Variants in KIF1B observed in about 807,000 individuals in gnomAD.
KIF1B encodes kinesin family member 1B, also known as kinesin-like protein KIF1B.
KIF1B carries 76 observed loss-of-function variants against 241.9 expected under a neutral mutation model. The ratio of observed to expected loss-of-function variants is 0.31; its 90% confidence interval spans 0.26 to 0.38. The LOEUF is 0.38. KIF1B is among the 10% of genes least tolerant of loss of function. KIF1B has a pLI of 1.00. For synonymous variants in KIF1B, 750 were observed against 796.7 expected, an observed-to-expected ratio of 0.94 and a Z score of 0.99; for missense variants, 1,622 against 2,271.4, an observed-to-expected ratio of 0.71 and a Z score of 5.81.
At chr1:10,328,073 C>G (rs935286466) in intron 27 of KIF1B, among the ~76,000 whole-genome samples, 1 of 152,090 alleles carries the variant, frequency 6.6e-6, no homozygotes, top group Non-Finnish European at 1.5e-5. Context: ...GCCTGTAGTC[C>G]CAGCTCCTTG....
intron 24 of KIF1B, 53 bp from the exon 25 acceptor site, chr1:10,323,831 C>G: frequency 6.8e-7 from 1 of 1,459,878 alleles, no homozygotes; most frequent in Non-Finnish European, 9.6e-7. Flanking sequence ...CGTCTCATCT[C>G]TGAAGCTTGC....
intron 2 of KIF1B, among the ~76,000 whole-genome samples, chr1:10,233,885 A>G (rs1327219763): frequency 6.6e-6 from 1 of 151,632 alleles, no homozygotes; most frequent in Non-Finnish European, 1.5e-5. Context: ...CAGGTGATCC[A>G]CCCGCCTCGG....
At position 10,378,592 on chromosome 1, in the gene KIF1B, T is replaced by A. The variant is rs1638947202; in HGVS notation, c.*2005T>A. On this transcript the variant is annotated 3_prime_UTR_variant, in exon 49 of 49. Coordinates refer to ENST00000676179, the MANE Select transcript of KIF1B (RefSeq NM_001365951.3). ...AGTCCTCGGCCTTGAGGTTGCTGAC[T>A]CTCAGGCGTTAGGCAGCTGGATGAC... 1.7e-6 allele frequency: 1 copy of A among 602,830 alleles called. No individual in the cohort carries two copies. The highest frequency in any genetic ancestry group is 3.0e-6 in the Non-Finnish European group (1 of 336,356). 37.3% of individuals were successfully genotyped at this position (602,830 alleles called of 1,614,324 possible). A position where few individuals can be genotyped will look rare whatever the true frequency, so the allele number is the denominator to read the frequency against.
intron 12 of KIF1B, 42 bp downstream of exon 12, chr1:10,276,441 C>T (rs760145831): frequency 5.1e-6 from 7 of 1,365,384 alleles, no homozygotes; most frequent in African/African-American, 1.4e-5. Context: ...ACCACATTGC[C>T]ATCAGAAGCC....
At chr1:10,368,371 C>A in intron 43 of KIF1B, 96 bp from the exon 44 acceptor site, 1 of 971,162 alleles carries the variant, frequency 1.0e-6, no homozygotes, top group East Asian at 2.4e-5. Context: ...TCCCCGGGAA[C>A]TCAGCCCTTC....
chr1:10,270,131 G>A (rs112317899), intron 7 of KIF1B, among the ~76,000 whole-genome samples: 65 of 152,194 alleles, frequency 4.3e-4, no homozygotes, highest in African/African-American at 1.5e-3. Flanking sequence ...GTAAAATTTG[G>A]TCAGTTTTGA....
chr1:10,253,924 A>G (rs1168826610), intron 2 of KIF1B, among the ~76,000 whole-genome samples: 1 of 152,250 alleles, frequency 6.6e-6, no homozygotes, highest in Non-Finnish European at 1.5e-5. Flanking sequence ...AGAGAGAACT[A>G]AGCACCGTAG....
At position 10,328,876 on chromosome 1, in the gene KIF1B, A is replaced by G. The variant is rs1407058909; in HGVS notation, c.2924+2517A>G. ...ATAACAGGTAGAAATAAAGAGCCAT[A>G]AAGATCTTTTTCAACTTTCATATTC... is the stretch of plus-strand genomic sequence containing the variant. On this transcript the variant is annotated intron_variant, in intron 27 of 48. Transcript: ENST00000676179. 4.6e-5 allele frequency among the ~76,000 whole-genome samples: 7 copies of G among 152,330 alleles called. No individual in the cohort carries two copies. The South Asian group carries it at 6.2e-4, about 14-fold the overall frequency.
intron 10 of KIF1B, among the ~76,000 whole-genome samples, chr1:10,274,624 G>A (rs1649002886): frequency 6.6e-6 from 1 of 152,104 alleles, no homozygotes; most frequent in Non-Finnish European, 1.5e-5. Context: ...ATGGTGGTTG[G>A]CCAAGTAAAT....
Position 10,230,214 on chromosome 1 carries a change from C to T in KIF1B, c.-79-2036C>T, listed in dbSNP as rs1434014725. Among the ~76,000 whole-genome samples the T allele has an allele frequency of 3.3e-5, 5 of 152,002 alleles. No homozygotes were observed. The East Asian group carries it at 5.8e-4, about 18-fold the overall frequency. On this transcript the variant is annotated intron_variant, in intron 1 of 48. Coordinates refer to ENST00000676179, the MANE Select transcript of KIF1B (RefSeq NM_001365951.3). ...TTATGTTATTTATTTATCCTGTTCTCGGGAACACATCGGTTATGGTGTTGT... is the reference window on the plus strand; with the variant it reads ...TTATGTTATTTATTTATCCTGTTCTTGGGAACACATCGGTTATGGTGTTGT...
In KIF1B at chr1:10,272,262, T is replaced by A; in HGVS notation, c.820T>A (p.Ser274Thr). 6.2e-7 allele frequency: 1 copy of A among 1,604,424 alleles called. No individual in the cohort carries two copies. The highest frequency in any genetic ancestry group is 8.5e-7 in the Non-Finnish European group (1 of 1,171,218). ...RLKEGANINK[S>T]LTTLGKVISA... ...TTAGGAAGGAGCAAATATTAATAAG[T>A]CTCTTACAACTTTGGGCAAAGTCAT... The change falls in exon 9 of 49, where the codon TCT (serine) becomes ACT (threonine). Residue 274 changes from serine (S) to threonine (T), a missense_variant. Physicochemically the swap from Ser to Thr is moderately conservative, Grantham distance 58 (BLOSUM62 1). Coordinates refer to ENST00000676179, the MANE Select transcript of KIF1B (RefSeq NM_001365951.3).
intron 4 of KIF1B, 152 bp from the exon 5 acceptor site, chr1:10,261,753 T>C: frequency 1.5e-6 from 1 of 678,794 alleles, no homozygotes; most frequent in Non-Finnish European, 2.7e-6. Flanking sequence ...ACTGACTTTA[T>C]TCAAAGCATT....
intron 22 of KIF1B, chr1:10,308,512 A>AG (rs1276310662): frequency 9.7e-7 from 1 of 1,030,672 alleles, no homozygotes; most frequent in East Asian, 6.1e-5. Context: ...TTTGAGTGTA[A>AG]GATCTGCCTT....
At chr1:10,339,624 G>C (rs921876891) in intron 31 of KIF1B, 145 bp from the exon 32 acceptor site, 4 of 732,530 alleles carry the variant, frequency 5.5e-6, no homozygotes, top group African/African-American at 1.8e-5. Flanking sequence ...TATGGAAAAG[G>C]TTCTTGACAA....
intron 37 of KIF1B, among the ~76,000 whole-genome samples, chr1:10,351,720 C>A (rs1206130532): frequency 6.6e-6 from 1 of 152,184 alleles, no homozygotes; most frequent in African/African-American, 2.4e-5. Flanking sequence ...AATCCCAGCA[C>A]TTTGGGAGGC....
At position 10,270,523 on chromosome 1, in the gene KIF1B, A is replaced by C. The variant is rs74374877; in HGVS notation, c.721-979A>C. Among the ~76,000 whole-genome samples, 981 of 152,340 alleles carry C rather than the reference A, an allele frequency of 6.4e-3. 6 individuals carry two copies. Among genetic ancestry groups the C allele is most frequent in the Non-Finnish European group, 0.012 (792 of 68,030 alleles). The stretch of plus-strand genomic sequence containing the variant: ...CTGTTGCCAGTTTTTGATTATTACA[A>C]ACGAAGCTGATGTGAACATTTGTGT... On this transcript the variant is annotated intron_variant, in intron 7 of 48. Coordinates refer to ENST00000676179, the MANE Select transcript of KIF1B (RefSeq NM_001365951.3).
intron 44 of KIF1B, among the ~76,000 whole-genome samples, chr1:10,370,643 AAATAATAAT>A (rs200343928): frequency 1.1e-4 from 17 of 147,974 alleles, no homozygotes; most frequent in Admixed American, 2.0e-4. Context: ...TCGAGAAAGA[AAATAATAAT>A]AATAATAATA....
At chr1:10,332,522 T>A (rs867616598) in intron 27 of KIF1B, among the ~76,000 whole-genome samples, 2,324 of 127,108 alleles carry the variant, frequency 0.018, 94 homozygotes, top group African/African-American at 0.065. Flanking sequence ...TTTTTTTTTT[T>A]TTTTTTTTTT....
intron 6 of KIF1B, 142 bp from the exon 7 acceptor site, chr1:10,268,008 TTG>T: frequency 1.4e-6 from 1 of 708,108 alleles, no homozygotes; most frequent in Non-Finnish European, 2.6e-6. Flanking sequence ...TTGAGAGCAA[TTG>T]TGTAAGTGAC....
Sources: allele counts gnomAD v4.1 joint callset (sites outside exome capture counted in the v4.1 genomes callset), GRCh38; gene constraint gnomAD v4.1.1; transcripts MANE v1.5; gene names NCBI Gene and HGNC (gene_info 2026-07-23, HGNC 2026-07-21).